Variants in MTUS2 observed in about 807,000 individuals in gnomAD.
MTUS2 encodes microtubule-associated tumor suppressor candidate 2.
A neutral mutation model predicts 114.1 loss-of-function variants in MTUS2; 40 were observed. The observed-to-expected ratio is 0.35, with a 90% CI of 0.27 to 0.46. The LOEUF is 0.46. Ranked by LOEUF, MTUS2 falls within the 20% of genes least tolerant of loss-of-function variation. MTUS2 has a pLI of 1.00. For synonymous variants in MTUS2, 688 were observed against 672.0 expected (o/e 1.02, Z -0.37); for missense variants, 1,679 against 1,705.4 (o/e 0.98, Z 0.27).
intron 5 of MTUS2, among the ~76,000 whole-genome samples, chr13:29,121,324 G>T (rs528430232): frequency 4.7e-4 from 71 of 152,198 alleles, no homozygotes; most frequent in African/African-American, 1.7e-3. Flanking sequence ...TGAGTAACAA[G>T]GCAGAAACAA....
intron 7 of MTUS2, among the ~76,000 whole-genome samples, chr13:29,338,754 T>A (rs989715585): frequency 3.9e-5 from 6 of 152,242 alleles, no homozygotes; most frequent in African/African-American, 9.6e-5. Flanking sequence ...ATAATTTTTT[T>A]AATAAAGACA....
intron 8 of MTUS2, among the ~76,000 whole-genome samples, chr13:29,434,351 A>G (rs908687444): frequency 6.6e-6 from 1 of 152,100 alleles, no homozygotes; most frequent in Non-Finnish European, 1.5e-5. Context: ...CTCTCTGCAT[A>G]TGCTGCTGCT....
At chr13:29,232,662 C>T (rs929584965) in intron 5 of MTUS2, among the ~76,000 whole-genome samples, 1 of 152,116 alleles carries the variant, frequency 6.6e-6, no homozygotes, top group Non-Finnish European at 1.5e-5. Flanking sequence ...GTTCTATCTA[C>T]CTTTTGCTCA....
At chr13:29,060,234 T>C (rs912002944) in intron 4 of MTUS2, among the ~76,000 whole-genome samples, 1 of 152,226 alleles carries the variant, frequency 6.6e-6, no homozygotes, top group African/African-American at 2.4e-5. Context: ...GGTGGTCCCC[T>C]TGGACTTGGG....
chr13:29,086,337 C>A (rs1019723290), intron 4 of MTUS2, among the ~76,000 whole-genome samples: 54 of 152,134 alleles, frequency 3.5e-4, no homozygotes, highest in African/African-American at 1.3e-3. Flanking sequence ...GAGACTTTAT[C>A]ATGAAATCTT....
intron 2 of MTUS2, among the ~76,000 whole-genome samples, chr13:28,968,147 A>G (rs1204991437): frequency 6.6e-6 from 1 of 152,134 alleles, no homozygotes; most frequent in Non-Finnish European, 1.5e-5. Flanking sequence ...TGATTTTTTG[A>G]GGTATCATTG....
Position 29,379,237 on chromosome 13 carries a change from C to T in MTUS2, c.3117+19764C>T, listed in dbSNP as rs186224298. 4.4e-3 allele frequency among the ~76,000 whole-genome samples: 670 copies of T among 152,292 alleles called. 5 individuals carry two copies. The highest frequency in any genetic ancestry group is 0.016 in the African/African-American group (655 of 41,552). On this transcript the variant is annotated intron_variant, in intron 8 of 15. Transcript: ENST00000612955. Reference sequence around the variant, plus strand: ...TTGGACTGTTGGTGATTATGGACTTCATTGACTTTTGGTCATAAGCCACAG... The same window carrying T: ...TTGGACTGTTGGTGATTATGGACTTTATTGACTTTTGGTCATAAGCCACAG...
intron 2 of MTUS2, among the ~76,000 whole-genome samples, chr13:28,849,357 C>T (rs991627235): frequency 1.3e-5 from 2 of 152,162 alleles, no homozygotes; most frequent in African/African-American, 4.8e-5. Context: ...GTTATCAACT[C>T]TAGCATCAGC....
intron 2 of MTUS2, among the ~76,000 whole-genome samples, chr13:28,965,092 T>G (rs1028602144): frequency 2.0e-4 from 31 of 152,304 alleles, no homozygotes; most frequent in African/African-American, 7.2e-4. Context: ...TTTTAACCCG[T>G]GTTGTCATAA....
At chr13:29,065,984 G>A (rs1888648824) in intron 4 of MTUS2, among the ~76,000 whole-genome samples, 1 of 151,904 alleles carries the variant, frequency 6.6e-6, no homozygotes, top group South Asian at 2.1e-4. Context: ...GCCTGTTTGT[G>A]TCTCTTTCTG....
intron 4 of MTUS2, among the ~76,000 whole-genome samples, chr13:29,047,756 C>T (rs1158505477): frequency 1.3e-5 from 2 of 152,150 alleles, no homozygotes; most frequent in Non-Finnish European, 2.9e-5. Context: ...GTGATGCGCC[C>T]ACCTTGGCCT....
intron 2 of MTUS2, among the ~76,000 whole-genome samples, chr13:28,961,206 TTACTC>T (rs1883312395): frequency 6.6e-6 from 1 of 152,086 alleles, no homozygotes; most frequent in South Asian, 2.1e-4. Flanking sequence ...GACTTAAAAA[TTACTC>T]AAATAGTGGC....
rs1417122294 is a variant in MTUS2 at position 29,039,497 on chromosome 13, A to G, written c.2446+5372A>G. Among the ~76,000 whole-genome samples the G allele has an allele frequency of 3.9e-5, 6 of 152,304 alleles. No homozygotes were observed. In the East Asian group the frequency reaches 1.2e-3, roughly 29 times the overall value. On this transcript the variant is annotated intron_variant, in intron 4 of 15. Coordinates refer to ENST00000612955, the MANE Select transcript of MTUS2 (RefSeq NM_001033602.4). ...TGCAGCGGGGGAGGGCAGCACCCAG[A>G]CCATCTGGGGGACCGGGGAAGCTCA...
At chr13:29,047,542 C>G (rs1404801154) in intron 4 of MTUS2, among the ~76,000 whole-genome samples, 2 of 138,486 alleles carry the variant, frequency 1.4e-5, no homozygotes, top group Non-Finnish European at 3.0e-5. Flanking sequence ...GAGACAGAGT[C>G]TTGCTGTGTC....
Position 29,379,185 on chromosome 13 carries a change from G to A in MTUS2, c.3117+19712G>A, listed in dbSNP as rs114651382. ...TACCCAGTCTCAGGTATTCACAGCA[G>A]CATGAGAACAGACTAATACACTTCA... On this transcript the variant is annotated intron_variant, in intron 8 of 15. Transcript: ENST00000612955. Among the ~76,000 whole-genome samples, 578 of 152,304 alleles carry A rather than the reference G, an allele frequency of 3.8e-3. 3 individuals carry two copies. The highest frequency in any genetic ancestry group is 0.013 in the African/African-American group (546 of 41,556).
intron 6 of MTUS2, among the ~76,000 whole-genome samples, chr13:29,305,020 C>T (rs935741421): frequency 4.6e-5 from 7 of 152,072 alleles, no homozygotes; most frequent in African/African-American, 1.4e-4. Context: ...AATGGAACAA[C>T]CTGCTTCTGA....
intron 8 of MTUS2, among the ~76,000 whole-genome samples, chr13:29,363,476 TTAA>T (rs1488334374): frequency 6.6e-6 from 1 of 152,194 alleles, no homozygotes; most frequent in African/African-American, 2.4e-5. Flanking sequence ...TACTAAAAAA[TTAA>T]TAATTCACCA....
intron 4 of MTUS2, among the ~76,000 whole-genome samples, chr13:29,093,676 A>C (rs956369752): frequency 1.3e-5 from 2 of 152,310 alleles, no homozygotes; most frequent in East Asian, 3.9e-4. Flanking sequence ...GGGATTTTCT[A>C]TATATAAGAT....
At chr13:28,839,036 C>T (rs1203258347) in intron 1 of MTUS2, among the ~76,000 whole-genome samples, 3 of 150,956 alleles carry the variant, frequency 2.0e-5, no homozygotes, top group East Asian at 1.9e-4. Flanking sequence ...TATGAAATTG[C>T]GATATGTGTA....
Sources: gnomAD v4.1 joint callset for allele counts (sites outside exome capture counted in the v4.1 genomes callset) on GRCh38, gnomAD v4.1.1 for gene constraint, MANE v1.5 for transcripts, NCBI Gene and HGNC (gene_info 2026-07-23, HGNC 2026-07-21) for gene names.